CORO2A: variants seen among roughly 807,000 people sequenced by gnomAD.
CORO2A encodes the protein coronin-2A.
Under a neutral mutation model 62.4 loss-of-function variants are expected in CORO2A, and 47 were observed. That is an observed-to-expected ratio of 0.75 (90% CI 0.60 to 0.96). The LOEUF (loss-of-function observed/expected upper bound fraction) is 0.96, where lower values mean the gene tolerates loss of function less well. Among genes scored for constraint, CORO2A ranks in the 40% least tolerant of loss-of-function variants. The pLI is 0.00. For synonymous variants in CORO2A, 273 were observed against 268.9 expected, an observed-to-expected ratio of 1.02 and a Z score of -0.15; for missense variants, 610 against 684.1, an observed-to-expected ratio of 0.89 and a Z score of 1.21.
intron 4 of CORO2A, 46 bp downstream of exon 4, chr9:98,134,760 T>G (rs1458446905): frequency 1.3e-6 from 2 of 1,545,894 alleles, no homozygotes; most frequent in African/African-American, 2.7e-5. Context: ...TTCCAGTTTG[T>G]GGGAACTTGT....
At chr9:98,189,022 A>C (rs986258010) in intron 1 of CORO2A, among the ~76,000 whole-genome samples, 77 of 152,052 alleles carry the variant, frequency 5.1e-4, no homozygotes, top group African/African-American at 1.8e-3. Flanking sequence ...GCTCATAATC[A>C]CACCTTCCTT....
rs1354836416 is a variant in CORO2A at position 98,130,423 on chromosome 9, T to C, written c.870+532A>G. Among the ~76,000 whole-genome samples, 9 of 152,264 alleles carry C rather than the reference T, an allele frequency of 5.9e-5. No individual in the cohort carries two copies. The South Asian group carries it at 1.0e-3, about 18-fold the overall frequency. ...TTTAATATTCAATCCTCCCCCACCATGACCCAAAGCCCACCCTTTTTCCTC... is the reference window on the plus strand; with the variant it reads ...TTTAATATTCAATCCTCCCCCACCACGACCCAAAGCCCACCCTTTTTCCTC... On this transcript the variant is annotated intron_variant, in intron 7 of 11. Coordinates refer to ENST00000375077, the MANE Select transcript of CORO2A (RefSeq NM_052820.4).
chr9:98,168,137 A>T (rs1564214612), intron 1 of CORO2A, among the ~76,000 whole-genome samples: 1 of 152,236 alleles, frequency 6.6e-6, no homozygotes, highest in African/African-American at 2.4e-5. Flanking sequence ...AAAGTGTAAA[A>T]TCCAGCTCCT....
At chr9:98,154,161 C>T (rs1385425335) in intron 2 of CORO2A, among the ~76,000 whole-genome samples, 1 of 151,550 alleles carries the variant, frequency 6.6e-6, no homozygotes, top group African/African-American at 2.4e-5. Flanking sequence ...TCCTCCTTGT[C>T]TGGTTTTGGT....
At chr9:98,145,156 C>T (rs999082921) in intron 2 of CORO2A, among the ~76,000 whole-genome samples, 9 of 152,144 alleles carry the variant, frequency 5.9e-5, no homozygotes, top group Admixed American at 2.0e-4. Context: ...GGGATGAAAG[C>T]GGTGAACCAC....
intron 1 of CORO2A, among the ~76,000 whole-genome samples, chr9:98,173,166 G>A (rs984026107): frequency 1.3e-5 from 2 of 152,188 alleles, no homozygotes; most frequent in African/African-American, 2.4e-5. Flanking sequence ...AACAAACTCC[G>A]ATTGTTGGGC....
chr9:98,175,810 T>G (rs1189756588), intron 1 of CORO2A, among the ~76,000 whole-genome samples: 1 of 152,162 alleles, frequency 6.6e-6, no homozygotes. Context: ...TTCTCATCCA[T>G]AAAATGGGGA....
rs976043840 is a variant in CORO2A, at chr9:98,129,698, C to T, written c.967+96G>A. The T allele has an allele frequency of 3.5e-5, 32 of 916,316 alleles. 1 individual carries two copies. The Admixed American group carries it at 4.0e-4, about 11-fold the overall frequency. The allele number at this position is 916,316 out of a possible 1,614,324, so 56.8% of individuals were successfully genotyped here. On this transcript the variant is annotated intron_variant, in intron 8 of 11. Coordinates refer to ENST00000375077, the MANE Select transcript of CORO2A (RefSeq NM_052820.4). ...CTCCCATCTGACTCATCCCTGTCTCCCCAGACCCCGCACTGAAGCCCTGAC... is the reference window on the plus strand; with the variant it reads ...CTCCCATCTGACTCATCCCTGTCTCTCCAGACCCCGCACTGAAGCCCTGAC...
At position 98,169,738 on chromosome 9, in the gene CORO2A, A is replaced by G. The variant is rs141998948; in HGVS notation, c.1-12078T>C. Reference sequence around the variant, plus strand: ...AAGAGAAGGGGAGAAGCAAAAAGAAAATAAAAAAGCATCATTTTCCCAGAT... The same window carrying G: ...AAGAGAAGGGGAGAAGCAAAAAGAAGATAAAAAAGCATCATTTTCCCAGAT... On this transcript the variant is annotated intron_variant, in intron 1 of 11. Transcript: ENST00000375077. 2.1e-4 allele frequency among the ~76,000 whole-genome samples: 32 copies of G among 152,280 alleles called. No homozygotes were observed. The South Asian group carries it at 4.8e-3, about 23-fold the overall frequency.
Position 98,134,952 on chromosome 9 carries a change from T to G in CORO2A, c.322A>C (p.Lys108Gln). The stretch of plus-strand genomic sequence containing the variant: ...AGCTGCTTGGGGATGCTCCAGATCT[T>G]AATCTGGCAGGGGAGACAGGGCCCA... ...IASCSEDATI[K>Q]IWSIPKQLLT... The change falls in exon 4 of 12, where the codon AAG (lysine) becomes CAG (glutamine). Residue 108 changes from lysine to glutamine, a missense_variant. Transcript: ENST00000375077. 1 of 1,613,858 alleles carries G rather than the reference T, an allele frequency of 6.2e-7. No individual in the cohort carries two copies. Among genetic ancestry groups the G allele is most frequent in the African/African-American group, 1.3e-5 (1 of 75,034 alleles).
intron 1 of CORO2A, among the ~76,000 whole-genome samples, chr9:98,163,741 TGA>T (rs565063006): frequency 0.072 from 10,065 of 139,040 alleles, 385 homozygotes; most frequent in Middle Eastern, 0.13. Flanking sequence ...TGTGTGTGTG[TGA>T]GAGAGAGAGA....
intron 11 of CORO2A, among the ~76,000 whole-genome samples, chr9:98,125,480 C>T (rs1275162929): frequency 6.6e-6 from 1 of 152,184 alleles, no homozygotes; most frequent in Non-Finnish European, 1.5e-5. Flanking sequence ...CAGAATCCAT[C>T]TGTGAGATGC....
At chr9:98,169,650 C>T (rs564882173) in intron 1 of CORO2A, among the ~76,000 whole-genome samples, 2 of 152,344 alleles carry the variant, frequency 1.3e-5, no homozygotes, top group African/African-American at 4.8e-5. Context: ...CTCATCTCCA[C>T]AGACCTGTTC....
At chr9:98,181,254 C>A (rs888230324) in intron 1 of CORO2A, among the ~76,000 whole-genome samples, 1 of 151,952 alleles carries the variant, frequency 6.6e-6, no homozygotes, top group African/African-American at 2.4e-5. Context: ...ACCCACGTGG[C>A]CTCCTTCTTC....
chr9:98,159,367 T>C (rs759553687), intron 1 of CORO2A, among the ~76,000 whole-genome samples: 1 of 152,198 alleles, frequency 6.6e-6, no homozygotes, highest in African/African-American at 2.4e-5. Flanking sequence ...CCTCTGATGC[T>C]GCCCATTCAT....
At chr9:98,176,892 A>G (rs1399396096) in intron 1 of CORO2A, among the ~76,000 whole-genome samples, 1 of 152,198 alleles carries the variant, frequency 6.6e-6, no homozygotes, top group Non-Finnish European at 1.5e-5. Flanking sequence ...CCAGCCTCCC[A>G]GTCCAAAAGA....
intron 10 of CORO2A, 190 bp from the exon 11 acceptor site, chr9:98,127,013 C>T (rs1484902733): frequency 7.4e-5 from 47 of 631,640 alleles, no homozygotes; most frequent in Non-Finnish European, 8.0e-5. Flanking sequence ...CAAATACCCA[C>T]GTGTGCCACC....
chr9:98,126,805 A>G lies in CORO2A; in HGVS notation c.1190T>C (p.Leu397Pro). 1 of 1,614,156 alleles carries G rather than the reference A, an allele frequency of 6.2e-7. No individual in the cohort carries two copies. Among genetic ancestry groups the G allele is most frequent in the Non-Finnish European group, 8.5e-7 (1 of 1,180,018 alleles). The change falls in exon 11 of 12, where the codon CTT becomes CCT. Residue 397 changes from leucine (L) to proline (P), a missense_variant. Coordinates refer to ENST00000375077, the MANE Select transcript of CORO2A (RefSeq NM_052820.4). ...TCTCAGCAGCTCAGAGCCAGGCCTA[A>G]GGGACACCAGGATTGGGTCTGGAAG... is the stretch of plus-strand genomic sequence containing the variant. ...GMNRDPILVS[L>P]RPGSELLRPH... is the part of the protein sequence containing the mutation.
At chr9:98,192,271 C>T (rs1828314020) in intron 1 of CORO2A, among the ~76,000 whole-genome samples, 1 of 152,222 alleles carries the variant, frequency 6.6e-6, no homozygotes, top group Non-Finnish European at 1.5e-5. Flanking sequence ...AGACAGTGCT[C>T]ATGAGGGCAG....
Sources: gnomAD v4.1 joint callset for allele counts (sites outside exome capture counted in the v4.1 genomes callset) on GRCh38, gnomAD v4.1.1 for gene constraint, MANE v1.5 for transcripts, NCBI Gene and HGNC (gene_info 2026-07-23, HGNC 2026-07-21) for gene names.